SRRM1: variants seen among roughly 807,000 people sequenced by gnomAD.
SRRM1 encodes serine/arginine repetitive matrix protein 1.
A neutral mutation model predicts 110.2 loss-of-function variants in SRRM1; 19 were observed. The ratio of observed to expected loss-of-function variants is 0.17; its 90% confidence interval spans 0.12 to 0.25. The LOEUF is 0.25. Among genes scored for constraint, SRRM1 ranks in the 10% least tolerant of loss-of-function variants. SRRM1 has a pLI of 1.00. For missense variants in SRRM1, 918 were observed against 1,145.8 expected (o/e 0.80, Z 2.87); for synonymous variants, 443 against 414.9 (o/e 1.07, Z -0.82).
At chr1:24,653,867 C>G (rs186678319) in intron 8 of SRRM1, among the ~76,000 whole-genome samples, 4 of 152,190 alleles carry the variant, frequency 2.6e-5, no homozygotes, top group Non-Finnish European at 5.9e-5. Context: ...AAGTTCTTTT[C>G]AGGGAACCAA....
intron 2 of SRRM1, 55 bp downstream of exon 2, chr1:24,646,128 A>G: frequency 1.5e-6 from 2 of 1,370,320 alleles, no homozygotes; most frequent in Non-Finnish European, 2.1e-6. Context: ...ACTTGACTCA[A>G]GTTCTGGGGT....
chr1:24,666,577 C>T (rs1670090175), intron 12 of SRRM1: 2 of 370,814 alleles, frequency 5.4e-6, no homozygotes, highest in Non-Finnish European at 5.0e-6. Flanking sequence ...GCTTGGCCAA[C>T]ATGGTGAAAC....
At chr1:24,658,208 A>ATTTTTTTTT (rs573100578) in intron 9 of SRRM1, among the ~76,000 whole-genome samples, 1 of 137,516 alleles carries the variant, frequency 7.3e-6, no homozygotes, top group African/African-American at 2.9e-5. Context: ...GATGGTATAA[A>ATTTTTTTTT]TTTTTTTTTT....
At chr1:24,644,551 A>T (rs1188406205) in intron 1 of SRRM1, among the ~76,000 whole-genome samples, 2 of 152,206 alleles carry the variant, frequency 1.3e-5, no homozygotes, top group African/African-American at 2.4e-5. Flanking sequence ...ATCCTTCTTT[A>T]ATTGGCTTTA....
chr1:24,645,184 A>C (rs562922184), intron 1 of SRRM1, among the ~76,000 whole-genome samples: 1 of 152,204 alleles, frequency 6.6e-6, no homozygotes, highest in African/African-American at 2.4e-5. Context: ...GGAAGGAACT[A>C]TCCTCAGAGA....
At chr1:24,666,140 G>A (rs1669879457) in intron 12 of SRRM1, among the ~76,000 whole-genome samples, 1 of 152,178 alleles carries the variant, frequency 6.6e-6, no homozygotes, top group African/African-American at 2.4e-5. Flanking sequence ...AGCTTCCTAG[G>A]TGGTTCTAAT....
At position 24,669,285 on chromosome 1, in the gene SRRM1, G is replaced by C; in HGVS notation, c.1902G>C (p.Arg634=). Reference sequence around the variant, plus strand: ...CACCATCTCCACCACCAAAGCGGCGGGTCTCCCATTCTCCACCTCCCAAAC... The same window carrying C: ...CACCATCTCCACCACCAAAGCGGCGCGTCTCCCATTCTCCACCTCCCAAAC... ...RASPSPPPKR[R]VSHSPPPKQR... The change falls in exon 14 of 17, where the codon CGG becomes CGC. Residue 634 remains arginine (R), a synonymous_variant. Coordinates refer to ENST00000323848, the MANE Select transcript of SRRM1 (RefSeq NM_005839.4). 35 of 1,613,948 alleles carry C rather than the reference G, an allele frequency of 2.2e-5. No individual in the cohort carries two copies. Among genetic ancestry groups the C allele is most frequent in the Non-Finnish European group, 3.0e-5 (35 of 1,180,008 alleles).
rs1673435480 is a variant in SRRM1, at chr1:24,673,257, A to G, written c.*971A>G. The G allele has an allele frequency of 6.6e-6, 1 of 151,956 alleles. No individual in the cohort carries two copies. The highest frequency in any genetic ancestry group is 1.5e-5 in the Non-Finnish European group (1 of 68,000). 9.4% of individuals were successfully genotyped at this position (151,956 alleles called of 1,614,324 possible). On this transcript the variant is annotated 3_prime_UTR_variant, in exon 17 of 17. Transcript: ENST00000323848. ...TGTGGATTAAACAGAATAAATTTCT[A>G]AATTTAAAAATTTTGCCACTCTTAC...
intron 3 of SRRM1, chr1:24,648,111 C>G (rs1018789348): frequency 6.6e-6 from 1 of 152,308 alleles, no homozygotes; most frequent in African/African-American, 2.4e-5. Context: ...CTACAGGGGA[C>G]TTGGCGATTC....
intron 6 of SRRM1, among the ~76,000 whole-genome samples, 171 bp downstream of exon 6, chr1:24,651,783 C>G (rs866149866): frequency 6.6e-6 from 1 of 151,666 alleles, no homozygotes; most frequent in South Asian, 2.1e-4. Context: ...GAAGAAAATG[C>G]CCCAGAGGGT....
chr1:24,662,816 G>A lies in SRRM1; in HGVS notation c.1628+12G>A, dbSNP rs1309793046. 6.2e-7 allele frequency: 1 copy of A among 1,613,736 alleles called. No homozygotes were observed. On this transcript the variant is annotated intron_variant, in intron 12 of 16. Transcript: ENST00000323848. The stretch of plus-strand genomic sequence containing the variant: ...GAGACTTCCCCTCGGTAACATCTTT[G>A]CTTCAGTGATGTTCACTGATGTTCT...
chr1:24,644,398 T>C (rs1196217592), intron 1 of SRRM1, among the ~76,000 whole-genome samples: 1 of 152,226 alleles, frequency 6.6e-6, no homozygotes, highest in Non-Finnish European at 1.5e-5. Context: ...TAAGCCAATA[T>C]ATCCGTTTTC....
intron 9 of SRRM1, among the ~76,000 whole-genome samples, chr1:24,656,790 C>T (rs980494582): frequency 6.6e-6 from 1 of 152,118 alleles, no homozygotes; most frequent in Non-Finnish European, 1.5e-5. Context: ...GGGACCAATC[C>T]TTGTTAAAAT....
chr1:24,671,796 C>CT (rs147129638), intron 16 of SRRM1, among the ~76,000 whole-genome samples: 184 of 145,518 alleles, frequency 1.3e-3, no homozygotes, highest in Middle Eastern at 7.1e-3. Flanking sequence ...GATCCCCACA[C>CT]TTTTTTTTTT....
At chr1:24,659,444 C>T (rs1463387577) in intron 9 of SRRM1, among the ~76,000 whole-genome samples, 3 of 152,128 alleles carry the variant, frequency 2.0e-5, no homozygotes, top group African/African-American at 7.2e-5. Flanking sequence ...TATCAGGATC[C>T]TGAGAGGATC....
intron 12 of SRRM1, chr1:24,663,281 A>T (rs537838493): frequency 7.4e-7 from 1 of 1,353,382 alleles, no homozygotes; most frequent in East Asian, 2.6e-5. Context: ...GTAGTGACTT[A>T]ATTTCCTATT....
Position 24,669,601 on chromosome 1 carries a change from A to G in SRRM1, c.2204+14A>G, listed in dbSNP as rs1187743352. 1 of 1,519,288 alleles carries G rather than the reference A, an allele frequency of 6.6e-7. No individual in the cohort carries two copies. Among genetic ancestry groups the G allele is most frequent in the Non-Finnish European group, 8.9e-7 (1 of 1,124,284 alleles). 94.1% of individuals were successfully genotyped at this position (1,519,288 alleles called of 1,614,324 possible). On this transcript the variant is annotated intron_variant, in intron 14 of 16. Coordinates refer to ENST00000323848, the MANE Select transcript of SRRM1 (RefSeq NM_005839.4). ...AAAGATAAAAAAGTAAAAATATTTT[A>G]TGCTTTTCCATTAGGAATACTTACA...
intron 2 of SRRM1, 106 bp downstream of exon 2, chr1:24,646,179 A>G (rs1209752713): frequency 1.9e-5 from 15 of 803,224 alleles, no homozygotes; most frequent in Non-Finnish European, 3.1e-5. Context: ...TAAGAAAAAC[A>G]TAATTGAACA....
intron 9 of SRRM1, among the ~76,000 whole-genome samples, chr1:24,658,528 C>A (rs1399787692): frequency 6.6e-6 from 1 of 152,130 alleles, no homozygotes; most frequent in African/African-American, 2.4e-5. Context: ...TGCCAACTAT[C>A]TTGTAAGCAT....
Sources: allele counts gnomAD v4.1 joint callset (sites outside exome capture counted in the v4.1 genomes callset), GRCh38; gene constraint gnomAD v4.1.1; transcripts MANE v1.5; gene names NCBI Gene and HGNC (gene_info 2026-07-23, HGNC 2026-07-21).